ZFPM1: variants seen among roughly 807,000 people sequenced by gnomAD.
ZFPM1 encodes zinc finger protein, FOG family member 1.
Under a neutral mutation model 46.3 loss-of-function variants are expected in ZFPM1, and 28 were observed. The ratio of observed to expected loss-of-function variants is 0.60; its 90% CI spans 0.45 to 0.83. ZFPM1 has a LOEUF of 0.83. ZFPM1 is among the 40% of genes least tolerant of loss of function. The pLI, the probability that ZFPM1 is intolerant of heterozygous loss-of-function variation, is 0.00. For synonymous variants in ZFPM1, 957 were observed against 675.9 expected (o/e 1.42, Z -6.45); for missense variants, 1,878 against 1,432.4 (o/e 1.31, Z -5.02).
intron 4 of ZFPM1, among the ~76,000 whole-genome samples, chr16:88,523,691 G>A (rs1292765263): frequency 6.6e-6 from 1 of 152,244 alleles, no homozygotes. Flanking sequence ...TGTGGTCGCA[G>A]AAGTAGGAGC....
At chr16:88,486,094 C>T in intron 2 of ZFPM1, 51 bp downstream of exon 2, 1 of 1,538,972 alleles carries the variant, frequency 6.5e-7, no homozygotes, top group Non-Finnish European at 8.8e-7. Flanking sequence ...GCCTCCATTG[C>T]TTACCCGTAC....
At chr16:88,511,035 C>T (rs940428174) in intron 3 of ZFPM1, among the ~76,000 whole-genome samples, 14 of 152,140 alleles carry the variant, frequency 9.2e-5, no homozygotes, top group African/African-American at 1.2e-4. Context: ...ACAACCTGGC[C>T]GGAGCTGGCA....
intron 1 of ZFPM1, among the ~76,000 whole-genome samples, chr16:88,464,455 T>G (rs1463144737): frequency 6.6e-6 from 1 of 152,250 alleles, no homozygotes; most frequent in Non-Finnish European, 1.5e-5. Context: ...TCTTTCCACT[T>G]CGTGGGCCTG....
At chr16:88,474,800 C>T (rs1908599824) in intron 1 of ZFPM1, among the ~76,000 whole-genome samples, 1 of 152,254 alleles carries the variant, frequency 6.6e-6, no homozygotes, top group African/African-American at 2.4e-5. Flanking sequence ...TGCTGCAGAA[C>T]CCCCAGGGCT....
At position 88,506,410 on chromosome 16, in the gene ZFPM1, C is replaced by T. The variant is rs111710229; in HGVS notation, c.269-7977C>T. Among the ~76,000 whole-genome samples, 21 of 152,010 alleles carry T rather than the reference C, an allele frequency of 1.4e-4. 1 individual carries two copies. The highest frequency in any genetic ancestry group is 5.1e-4 in the African/African-American group (21 of 41,448). On this transcript the variant is annotated intron_variant, in intron 3 of 9. Transcript: ENST00000319555. ...CTTAGGCAGGCCCCTCCTTTGTTTCCCCTCAGTGAAATAGACTCAGGTCTT... is the reference window on the plus strand; with the variant it reads ...CTTAGGCAGGCCCCTCCTTTGTTTCTCCTCAGTGAAATAGACTCAGGTCTT...
In ZFPM1 at chr16:88,458,185, C is replaced by T. The variant is rs182271356; in HGVS notation, c.40+4507C>T. ...TCCTTAAGGGTGTGTCCGTGAGCAC[C>T]GCGCTGCCTTCTCTCCATCCTCCGG... On this transcript the variant is annotated intron_variant, in intron 1 of 9. Coordinates refer to ENST00000319555, the MANE Select transcript of ZFPM1 (RefSeq NM_153813.3). Among the ~76,000 whole-genome samples the T allele has an allele frequency of 3.3e-4, 51 of 152,314 alleles. No homozygotes were observed. In the East Asian group the frequency reaches 6.9e-3, roughly 21 times the overall value.
At chr16:88,499,070 C>G (rs1052125197) in intron 3 of ZFPM1, among the ~76,000 whole-genome samples, 1 of 152,200 alleles carries the variant, frequency 6.6e-6, no homozygotes, top group Admixed American at 6.5e-5. Flanking sequence ...GAGGCCGGCT[C>G]CCCTTCCTTC....
Position 88,532,885 on chromosome 16 carries a change from G to A in ZFPM1, c.1139G>A (p.Gly380Asp), listed in dbSNP as rs1912908023. 8 of 1,613,324 alleles carry A rather than the reference G, an allele frequency of 5.0e-6. No homozygotes were observed. Among genetic ancestry groups the A allele is most frequent in the Non-Finnish European group, 6.8e-6 (8 of 1,179,946 alleles). ...NHMVCQPGSK[G>D]EIYSPGAGHP... is the part of the protein sequence containing the mutation. ...ATGGTCTGCCAGCCTGGCTCCAAGG[G>A]TGAGATCTACTCGCCAGGGGCCGGA... Residue 380 changes from glycine to aspartate, a missense_variant, in exon 9 of 10, where the codon GGT becomes GAT. Physicochemically the swap from Gly to Asp is moderately conservative, Grantham distance 94. Coordinates refer to ENST00000319555, the MANE Select transcript of ZFPM1 (RefSeq NM_153813.3).
chr16:88,522,944 G>A (rs1468703735), intron 4 of ZFPM1, among the ~76,000 whole-genome samples: 9 of 152,170 alleles, frequency 5.9e-5, no homozygotes, highest in African/African-American at 1.4e-4. Context: ...GGTGGTTCAC[G>A]CCTGTAATCC....
chr16:88,532,372 G>GCC, intron 7 of ZFPM1, 137 bp downstream of exon 7: 1 of 993,314 alleles, frequency 1.0e-6, no homozygotes, highest in African/African-American at 1.6e-5. Context: ...CACACCCAGG[G>GCC]CCCCCGCAGG....
chr16:88,517,649 A>T (rs1230306241), intron 4 of ZFPM1, among the ~76,000 whole-genome samples: 2 of 138,524 alleles, frequency 1.4e-5, no homozygotes, highest in South Asian at 2.4e-4. Flanking sequence ...ATGGTGGATA[A>T]GTGGATGGAT....
chr16:88,466,721 A>G (rs751264999), intron 1 of ZFPM1, among the ~76,000 whole-genome samples: 4 of 152,156 alleles, frequency 2.6e-5, no homozygotes, highest in Non-Finnish European at 4.4e-5. Context: ...TTTTGTTTCA[A>G]TATTCTAAAA....
In ZFPM1 at chr16:88,534,203, C is replaced by T. The variant is rs1386676927; in HGVS notation, c.2245C>T (p.Leu749=). The T allele has an allele frequency of 1.0e-6, 1 of 984,076 alleles. No homozygotes were observed. The highest frequency in any genetic ancestry group is 1.2e-6 in the Non-Finnish European group (1 of 830,918). The allele number at this position is 984,076 out of a possible 1,614,324, so 61.0% of individuals were successfully genotyped here. Residue 749 remains leucine, a synonymous_variant, in exon 10 of 10, where the codon CTG becomes TTG. Coordinates refer to ENST00000319555, the MANE Select transcript of ZFPM1 (RefSeq NM_153813.3). ...RTRRRRKLYE[L]HAAGAPPPPP... ...GCGCAGACGCCGCAAGCTCTACGAG[C>T]TGCACGCGGCCGGCGCCCCGCCCCC... is the stretch of plus-strand genomic sequence containing the variant.
chr16:88,507,119 TG>T (rs1222095769), intron 3 of ZFPM1, among the ~76,000 whole-genome samples: 1 of 152,038 alleles, frequency 6.6e-6, no homozygotes, highest in African/African-American at 2.4e-5. Context: ...TCACTGCAAG[TG>T]GGGGTATGGC....
intron 6 of ZFPM1, among the ~76,000 whole-genome samples, chr16:88,530,011 A>C (rs1330850409): frequency 2.0e-5 from 3 of 152,124 alleles, no homozygotes; most frequent in Non-Finnish European, 4.4e-5. Context: ...TCAGAAGAGA[A>C]CACGGGCCGC....
At chr16:88,523,206 CAAA>C (rs71391390) in intron 4 of ZFPM1, among the ~76,000 whole-genome samples, 5 of 110,846 alleles carry the variant, frequency 4.5e-5, no homozygotes, top group African/African-American at 7.0e-5. Flanking sequence ...GACTTCATCT[CAAA>C]AAAAAAAAAA....
At chr16:88,516,097 C>T (rs550912693) in intron 4 of ZFPM1, 26 of 398,426 alleles carry the variant, frequency 6.5e-5, no homozygotes, top group Non-Finnish European at 1.1e-4. Flanking sequence ...GAGGGTCCTG[C>T]CACTCCATTT....
intron 7 of ZFPM1, 38 bp from the exon 8 acceptor site, chr16:88,532,576 C>T (rs972516841): frequency 5.8e-6 from 9 of 1,541,332 alleles, no homozygotes; most frequent in Non-Finnish European, 7.9e-6. Context: ...CAAGGTTAAG[C>T]TGGCCCGGGC....
Position 88,535,124 on chromosome 16 carries a change from C to T in ZFPM1, c.*145C>T, listed in dbSNP as rs1913190273. 5 of 1,032,980 alleles carry T rather than the reference C, an allele frequency of 4.8e-6. No individual in the cohort carries two copies. The highest frequency in any genetic ancestry group is 5.6e-5 in the South Asian group (2 of 35,402). 64.0% of individuals were successfully genotyped at this position (1,032,980 alleles called of 1,614,324 possible). A position where few individuals can be genotyped will look rare whatever the true frequency, so the allele number is the denominator to read the frequency against. ...GGGGGCCGCAGGGGGCAGCGCCCGC[C>T]TGGACCCTTGGCACTTAATAAAGAA... On this transcript the variant is annotated 3_prime_UTR_variant, in exon 10 of 10. Coordinates refer to ENST00000319555, the MANE Select transcript of ZFPM1 (RefSeq NM_153813.3).
Sources: allele counts gnomAD v4.1 joint callset (sites outside exome capture counted in the v4.1 genomes callset), GRCh38; gene constraint gnomAD v4.1.1; transcripts MANE v1.5; gene names NCBI Gene and HGNC (gene_info 2026-07-23, HGNC 2026-07-21).